Variants in CDS1 observed in about 807,000 individuals in gnomAD.
The protein encoded by CDS1 is phosphatidate cytidylyltransferase 1.
In CDS1, 41 loss-of-function variants were observed where a neutral mutation model predicts 62.1. The observed-to-expected ratio is 0.66, with a 90% confidence interval of 0.51 to 0.86. The LOEUF (loss-of-function observed/expected upper bound fraction) is 0.86, where lower values mean the gene tolerates loss of function less well. Among genes scored for constraint, CDS1 ranks in the 40% least tolerant of loss-of-function variants. CDS1 has a pLI of 0.00. For synonymous variants in CDS1, 185 were observed against 192.6 expected, an observed-to-expected ratio of 0.96 and a Z score of 0.32; for missense variants, 470 against 550.1, an observed-to-expected ratio of 0.85 and a Z score of 1.46.
intron 2 of CDS1, among the ~76,000 whole-genome samples, chr4:84,607,229 G>C (rs955733122): frequency 6.6e-6 from 1 of 152,098 alleles, no homozygotes; most frequent in African/African-American, 2.4e-5. Flanking sequence ...TTTGAAAAGA[G>C]TATTTGTTGG....
intron 2 of CDS1, among the ~76,000 whole-genome samples, chr4:84,606,400 A>C (rs114254492): frequency 1.5e-3 from 234 of 151,880 alleles, no homozygotes; most frequent in African/African-American, 5.4e-3. Flanking sequence ...TTACTGTTTT[A>C]ATTTTCATTC....
intron 5 of CDS1, among the ~76,000 whole-genome samples, chr4:84,621,855 T>G (rs958479458): frequency 6.6e-6 from 1 of 152,250 alleles, no homozygotes; most frequent in Admixed American, 6.5e-5. Flanking sequence ...ACTCTTTTAC[T>G]GGTACTCATA....
chr4:84,641,842 C>T (rs1366423704), intron 10 of CDS1, among the ~76,000 whole-genome samples: 1 of 152,296 alleles, frequency 6.6e-6, no homozygotes, highest in South Asian at 2.1e-4. Flanking sequence ...AGCTTTGTAT[C>T]TGAATCATTT....
intron 3 of CDS1, among the ~76,000 whole-genome samples, chr4:84,611,107 G>T (rs1723306420): frequency 6.6e-6 from 1 of 152,196 alleles, no homozygotes; most frequent in Admixed American, 6.5e-5. Flanking sequence ...ATGGAGTCTT[G>T]GGGAGGACCA....
chr4:84,623,679 G>A (rs902435552), intron 5 of CDS1, among the ~76,000 whole-genome samples: 1 of 152,170 alleles, frequency 6.6e-6, no homozygotes, highest in African/African-American at 2.4e-5. Context: ...GCCTTAACTA[G>A]TTTTATTTTT....
At position 84,640,859 on chromosome 4, in the gene CDS1, T is replaced by C. The variant is rs779938899; in HGVS notation, c.901T>C (p.Tyr301His). The change falls in exon 10 of 13, where the codon TAC (tyrosine) becomes CAC (histidine). Residue 301 changes from tyrosine (Y) to histidine (H), a missense_variant. By Grantham distance (83) the Tyr-to-His change is moderately conservative (BLOSUM62 2). This residue lies in a region of CDS1 where 214 missense variants were observed against 242.4 expected (regional missense o/e 0.88). Transcript: ENST00000295887. ...GFIAAYVLSK[Y>H]QYFVCPVEYR... The stretch of plus-strand genomic sequence containing the variant: ...TCAGGCTGCCTATGTGTTATCCAAA[T>C]ACCAGTACTTTGTCTGCCCAGTGGA... The C allele has an allele frequency of 3.1e-6, 5 of 1,599,292 alleles. No individual in the cohort carries two copies. Among genetic ancestry groups the C allele is most frequent in the Middle Eastern group, 1.7e-4 (1 of 5,994 alleles).
In CDS1 at chr4:84,620,797, A is replaced by G. The variant is rs184312871; in HGVS notation, c.580+1264A>G. Among the ~76,000 whole-genome samples the G allele has an allele frequency of 7.1e-3, 1,075 of 151,896 alleles. 15 individuals are homozygous for G. The highest frequency in any genetic ancestry group is 0.023 in the African/African-American group (968 of 41,440). ...ATATTTGGGCTGGGCGTGGTGGCTC[A>G]TGCCTGTAATCCCAGCACTTTGGGA... On this transcript the variant is annotated intron_variant, in intron 5 of 12. Coordinates refer to ENST00000295887, the MANE Select transcript of CDS1 (RefSeq NM_001263.4).
intron 2 of CDS1, among the ~76,000 whole-genome samples, chr4:84,607,089 A>G (rs1723117788): frequency 6.6e-6 from 1 of 152,210 alleles, no homozygotes; most frequent in South Asian, 2.1e-4. Flanking sequence ...TAAACAATAG[A>G]GGGAAATAAA....
Position 84,635,304 on chromosome 4 carries a change from A to T in CDS1, c.763A>T (p.Thr255Ser). 1.9e-6 allele frequency: 3 copies of T among 1,584,246 alleles called. No homozygotes were observed. Among genetic ancestry groups the T allele is most frequent in the Non-Finnish European group, 2.6e-6 (3 of 1,161,274 alleles). The change falls in exon 8 of 13, where the codon ACT (threonine) becomes TCT (serine). Residue 255 changes from threonine (T) to serine (S), a missense_variant. Physicochemically the swap from Thr to Ser is moderately conservative, Grantham distance 58. Transcript: ENST00000295887. ...ATCAAGTGTTATCTGCAATGACATA[A>T]CTGCTTACCTTTTTGGATTTTTTTT... ...PISSVICNDI[T>S]AYLFGFFFGR...
chr4:84,628,083 G>A (rs1041381397), intron 5 of CDS1, among the ~76,000 whole-genome samples: 1 of 152,100 alleles, frequency 6.6e-6, no homozygotes, highest in Non-Finnish European at 1.5e-5. Context: ...GGCACACAAT[G>A]CAGTGTGATT....
rs185251642 is a variant in CDS1 at position 84,634,104 on chromosome 4, A to G, written c.722+165A>G. Among the ~76,000 whole-genome samples the G allele has an allele frequency of 2.4e-3, 363 of 152,300 alleles. 2 individuals are homozygous for G. The highest frequency in any genetic ancestry group is 3.9e-3 in the Admixed American group (60 of 15,294). On this transcript the variant is annotated intron_variant, in intron 7 of 12. Transcript: ENST00000295887. ...TTTGCTTACTCTTTGACAACTAAAGACAAAATGCTTCATTAACAACTGGAT... is the reference window on the plus strand; with the variant it reads ...TTTGCTTACTCTTTGACAACTAAAGGCAAAATGCTTCATTAACAACTGGAT...
chr4:84,635,676 TTCCTTCCTTCCTTCCC>T (rs1236411213), intron 8 of CDS1, among the ~76,000 whole-genome samples: 36 of 105,906 alleles, frequency 3.4e-4, no homozygotes, highest in African/African-American at 1.4e-3. Context: ...CCTTCCTTCC[TTCCTTCCTTCCTTCCC>T]TCCTTCCCTC....
rs541726261 is a variant in CDS1 at position 84,601,130 on chromosome 4, G to A, written c.118-3113G>A. Among the ~76,000 whole-genome samples, 141 of 132,390 alleles carry A rather than the reference G, an allele frequency of 1.1e-3. 3 individuals are homozygous for A. In the South Asian group the frequency reaches 0.034, roughly 32 times the overall value. The allele number at this position is 132,390 out of a possible 152,430, so 86.9% of individuals were successfully genotyped here. On this transcript the variant is annotated intron_variant, in intron 1 of 12. Transcript: ENST00000295887. ...TGAGGTTGCCATGAGCCAAGATCAC[G>A]CCACTGCACTCCAGCCTAGGTGACA...
chr4:84,588,542 T>C (rs1416327635), intron 1 of CDS1, among the ~76,000 whole-genome samples: 1 of 151,982 alleles, frequency 6.6e-6, no homozygotes, highest in Non-Finnish European at 1.5e-5. Flanking sequence ...CCCTAAAAAT[T>C]TGGAGGCTAG....
intron 11 of CDS1, among the ~76,000 whole-genome samples, chr4:84,643,567 A>T (rs1344276793): frequency 3.3e-5 from 5 of 152,220 alleles, no homozygotes; most frequent in African/African-American, 1.2e-4. Context: ...CTCTTTCTGT[A>T]AAGGGCAAAC....
chr4:84,583,680 G>A (rs1054724283), intron 1 of CDS1, among the ~76,000 whole-genome samples, 162 bp downstream of exon 1: 3 of 152,142 alleles, frequency 2.0e-5, no homozygotes, highest in Non-Finnish European at 2.9e-5. Flanking sequence ...TCTCCAGAGG[G>A]GGTCGGGACC....
intron 12 of CDS1, among the ~76,000 whole-genome samples, chr4:84,645,645 A>C (rs1389159226): frequency 6.6e-6 from 1 of 152,182 alleles, no homozygotes; most frequent in Non-Finnish European, 1.5e-5. Context: ...GAATACTAAG[A>C]GTTAAAAAGG....
chr4:84,612,139 G>A (rs913989516), intron 3 of CDS1, among the ~76,000 whole-genome samples: 6 of 151,244 alleles, frequency 4.0e-5, no homozygotes, highest in Non-Finnish European at 7.4e-5. Context: ...CTTTGCTCAC[G>A]GTGCTTCCTC....
chr4:84,630,096 G>A (rs1723975362), intron 5 of CDS1, among the ~76,000 whole-genome samples: 1 of 151,996 alleles, frequency 6.6e-6, no homozygotes. Context: ...CGGATCAGTG[G>A]CACAAAAACA....
Sources: gnomAD v4.1 joint callset for allele counts (sites outside exome capture counted in the v4.1 genomes callset) on GRCh38, gnomAD v4.1.1 for gene constraint, gnomAD v4.1.1 regional missense constraint, MANE v1.5 for transcripts, NCBI Gene and HGNC (gene_info 2026-07-23, HGNC 2026-07-21) for gene names.